Variants in ZNF114 observed in about 807,000 individuals in gnomAD.
The protein encoded by ZNF114 is zinc finger protein 114.
Under a neutral mutation model 6.8 loss-of-function variants are expected in ZNF114, and 8 were observed. The observed-to-expected ratio is 1.18, with a 90% confidence interval of 0.69 to 2.13. The LOEUF is 2.13. Among genes scored for constraint, ZNF114 ranks in the 30% most tolerant of loss-of-function variants. ZNF114 has a pLI of 0.00. For missense variants in ZNF114, 472 were observed against 519.5 expected (o/e 0.91, Z 0.89); for synonymous variants, 169 against 185.5 (o/e 0.91, Z 0.72).
At chr19:48,282,815 C>G (rs113460373) in intron 5 of ZNF114, among the ~76,000 whole-genome samples, 1 of 151,968 alleles carries the variant, frequency 6.6e-6, no homozygotes, top group African/African-American at 2.4e-5. Flanking sequence ...CAGGTTCATG[C>G]AATTCTTCTG....
In ZNF114 at chr19:48,287,044, A is replaced by T; in HGVS notation, c.*166A>T. Reference sequence around the variant, plus strand: ...ACCCTGTGAAGGTAAAGTCTACAGAAAGCCTTTCATCTTCATTCATCTTGA... The same window carrying T: ...ACCCTGTGAAGGTAAAGTCTACAGATAGCCTTTCATCTTCATTCATCTTGA... On this transcript the variant is annotated 3_prime_UTR_variant, in exon 6 of 6. Transcript: ENST00000595607. The T allele has an allele frequency of 1.5e-6, 1 of 668,554 alleles. No homozygotes were observed. The highest frequency in any genetic ancestry group is 2.3e-6 in the Non-Finnish European group (1 of 435,730). The allele number at this position is 668,554 out of a possible 1,614,324, so 41.4% of individuals were successfully genotyped here. A position where few individuals can be genotyped will look rare whatever the true frequency, so the allele number is the denominator to read the frequency against.
chr19:48,273,760 T>TC (rs1298582627), intron 3 of ZNF114, among the ~76,000 whole-genome samples: 5 of 147,570 alleles, frequency 3.4e-5, no homozygotes, highest in East Asian at 2.0e-4. Context: ...GGCTTTTCTT[T>TC]TTTTTTTTTT....
intron 3 of ZNF114, among the ~76,000 whole-genome samples, chr19:48,272,682 A>AAAAAAAAAAAAAC (rs1967699873): frequency 7.0e-6 from 1 of 142,048 alleles, no homozygotes; most frequent in South Asian, 2.1e-4. Flanking sequence ...TCAAAAAAAA[A>AAAAAAAAAAAAAC]AAAAAAAAAA....
At chr19:48,279,158 G>T (rs902375908) in intron 3 of ZNF114, among the ~76,000 whole-genome samples, 1 of 151,186 alleles carries the variant, frequency 6.6e-6, no homozygotes, top group African/African-American at 2.4e-5. Context: ...ATTTCACCTC[G>T]ATTAAAAAAA....
At position 48,286,978 on chromosome 19, in the gene ZNF114, T is replaced by A; in HGVS notation, c.*100T>A. 1 of 1,274,636 alleles carries A rather than the reference T, an allele frequency of 7.8e-7. No homozygotes were observed. The highest frequency in any genetic ancestry group is 1.1e-6 in the Non-Finnish European group (1 of 945,446). 79.0% of individuals were successfully genotyped at this position (1,274,636 alleles called of 1,614,324 possible). On this transcript the variant is annotated 3_prime_UTR_variant, in exon 6 of 6. Transcript: ENST00000595607. ...CAAGGGGTTAGCATGAGTGAGAACA[T>A]CTTCCCTGAACTCTCGTATCTTACA...
intron 4 of ZNF114, chr19:48,281,641 C>T (rs1967994751): frequency 1.3e-5 from 2 of 150,444 alleles, no homozygotes; most frequent in African/African-American, 4.9e-5. Flanking sequence ...ATCCTCCCTC[C>T]TCAGCCTCCC....
chr19:48,280,483 C>T (rs1600842778), intron 4 of ZNF114, among the ~76,000 whole-genome samples: 1 of 151,846 alleles, frequency 6.6e-6, no homozygotes, highest in South Asian at 2.1e-4. Context: ...GCAGTGGCAG[C>T]ATCTCCCGCA....
chr19:48,276,157 G>T (rs1337748494), intron 3 of ZNF114, among the ~76,000 whole-genome samples: 1 of 131,302 alleles, frequency 7.6e-6, no homozygotes, highest in Non-Finnish European at 1.6e-5. Context: ...TCGGCTCACC[G>T]CAACCTCCGC....
At chr19:48,284,583 A>G (rs1968071090) in intron 5 of ZNF114, among the ~76,000 whole-genome samples, 1 of 152,128 alleles carries the variant, frequency 6.6e-6, no homozygotes, top group Non-Finnish European at 1.5e-5. Flanking sequence ...GGCACACGCC[A>G]CCATGCCCAG....
At chr19:48,273,857 T>A (rs947344079) in intron 3 of ZNF114, among the ~76,000 whole-genome samples, 20 of 150,934 alleles carry the variant, frequency 1.3e-4, no homozygotes, top group African/African-American at 4.9e-4. Context: ...TCCCGGGTTC[T>A]CGCCATTCTC....
At chr19:48,276,890 G>T (rs753752451) in intron 3 of ZNF114, among the ~76,000 whole-genome samples, 2 of 152,238 alleles carry the variant, frequency 1.3e-5, no homozygotes, top group Non-Finnish European at 2.9e-5. Flanking sequence ...TGGGCGTGGT[G>T]GCTCACGCCT....
Position 48,285,840 on chromosome 19 carries a change from CAG to C in ZNF114, c.219_220del (p.Arg73SerfsTer32), listed in dbSNP as rs796258400. On this transcript the variant is annotated frameshift_variant, in exon 6 of 6. Coordinates refer to ENST00000595607, the MANE Select transcript of ZNF114 (RefSeq NM_153608.4). LOFTEE classifies it low-confidence loss of function (END_TRUNC). The part of the protein sequence containing the change: ...LPKRTFPEAN[R>X]VCLTSISSQH... The stretch of plus-strand genomic sequence containing the variant: ...CTAAAAGAACATTTCCTGAAGCCAA[CAG>C]AGTGTGTCTCACGAGCATCAGTTCC... 2.5e-6 allele frequency: 4 copies of C among 1,614,180 alleles called. No homozygotes were observed. Among genetic ancestry groups the C allele is most frequent in the African/African-American group, 2.7e-5 (2 of 75,058 alleles).
chr19:48,273,886 T>C (rs1967750977), intron 3 of ZNF114, among the ~76,000 whole-genome samples: 1 of 151,032 alleles, frequency 6.6e-6, no homozygotes, highest in Admixed American at 6.7e-5. Context: ...GGCTCCCGAG[T>C]AGCTGGGACT....
intron 3 of ZNF114, among the ~76,000 whole-genome samples, chr19:48,279,479 TGTGTGTGA>T (rs1967933336): frequency 1.1e-5 from 1 of 91,736 alleles, no homozygotes; most frequent in African/African-American, 4.6e-5. Context: ...TGTGTGGGTG[TGTGTGTGA>T]GTGTGTGTGT....
chr19:48,283,514 T>C (rs2147294555), intron 5 of ZNF114, among the ~76,000 whole-genome samples: 1 of 152,134 alleles, frequency 6.6e-6, no homozygotes, highest in East Asian at 1.9e-4. Flanking sequence ...TGCAGGGCAG[T>C]TTTGTCCAGG....
Position 48,286,596 on chromosome 19 carries a change from A to G in ZNF114, c.972A>G (p.Lys324=), listed in dbSNP as rs1325457744. 3 of 1,613,986 alleles carry G rather than the reference A, an allele frequency of 1.9e-6. No homozygotes were observed. Among genetic ancestry groups the G allele is most frequent in the Non-Finnish European group, 2.5e-6 (3 of 1,180,040 alleles). ...AGTCATTCCTTATGAGACATATGAA[A>G]ATTCACACTGGAGAGAAACCGTATG... ...FYQSFLMRHM[K]IHTGEKPYEC... is the part of the protein sequence containing the mutation. The change falls in exon 6 of 6, where the codon AAA becomes AAG. Residue 324 remains lysine, a synonymous_variant. Transcript: ENST00000595607.
At position 48,285,899 on chromosome 19, in the gene ZNF114, G is replaced by A. The variant is rs1451720256; in HGVS notation, c.275G>A (p.Cys92Tyr). The stretch of plus-strand genomic sequence containing the variant: ...TCCACATTAAGAGAAGACTGGAGAT[G>A]CCCCAAAACAGAGGAACCACACAGG... ...QHSTLREDWR[C>Y]PKTEEPHRQG... is the part of the protein sequence containing the mutation. The change falls in exon 6 of 6, where the codon TGC (cysteine) becomes TAC (tyrosine). Residue 92 changes from cysteine (C) to tyrosine (Y), a missense_variant. Coordinates refer to ENST00000595607, the MANE Select transcript of ZNF114 (RefSeq NM_153608.4). 1.9e-6 allele frequency: 3 copies of A among 1,614,054 alleles called. No homozygotes were observed. The highest frequency in any genetic ancestry group is 2.7e-5 in the African/African-American group (2 of 74,926).
intron 5 of ZNF114, 127 bp downstream of exon 5, chr19:48,282,624 G>A (rs376046060): frequency 1.8e-6 from 2 of 1,129,256 alleles, no homozygotes; most frequent in Non-Finnish European, 2.4e-6. Flanking sequence ...CTGCCCCCCA[G>A]GTAGTAGGTG....
chr19:48,277,795 G>GGTA (rs762745663), intron 3 of ZNF114, among the ~76,000 whole-genome samples: 2 of 24,660 alleles, frequency 8.1e-5, no homozygotes, highest in African/African-American at 1.9e-4. Context: ...GAGGCATTGG[G>GGTA]TGTGTGTGTG....
Sources: allele counts gnomAD v4.1 joint callset (sites outside exome capture counted in the v4.1 genomes callset), GRCh38; gene constraint gnomAD v4.1.1; transcripts MANE v1.5; gene names NCBI Gene and HGNC (gene_info 2026-07-23, HGNC 2026-07-21).